The following GBP7 variants were observed in gnomAD, a reference collection of about 807,000 sequenced individuals.
GBP7 encodes guanylate binding protein 7, also known as guanylate-binding protein 7.
In GBP7, 43 loss-of-function variants were observed where a neutral mutation model predicts 61.3. The observed-to-expected ratio is 0.70, with a 90% CI of 0.55 to 0.91. GBP7 has a LOEUF of 0.91. GBP7 is among the 40% of genes least tolerant of loss of function. GBP7 has a pLI of 0.00. For missense variants in GBP7, 717 were observed against 740.5 expected (o/e 0.97, Z 0.37); for synonymous variants, 267 against 271.0 (o/e 0.99, Z 0.14).
rs757252155 is a variant in GBP7, at chr1:89,149,293, A to G, written c.1151T>C (p.Val384Ala). 2.6e-5 allele frequency: 41 copies of G among 1,599,192 alleles called. No homozygotes were observed. Among genetic ancestry groups the G allele is most frequent in the Non-Finnish European group, 3.3e-5 (39 of 1,171,254 alleles). The stretch of plus-strand genomic sequence containing the variant: ...AAAAAAAAAAATAACAAAGATTACC[A>G]CAAGCTTCTTCTGAAATTCCTGGCT... Reference protein sequence around the residue: ...DKSQEFQKKLVDTMEKKKEDF... With the variant: ...DKSQEFQKKLADTMEKKKEDF... The change falls in exon 7 of 11, where the codon GTG becomes GCG. Residue 384 changes from valine to alanine, a missense_variant and splice_region_variant. This residue lies in a region of GBP7 where 312 missense variants were observed against 310.1 expected (regional missense o/e 1.01). Coordinates refer to ENST00000294671, the MANE Select transcript of GBP7 (RefSeq NM_207398.3).
chr1:89,147,566 C>G lies in GBP7; in HGVS notation c.1365+1G>C. Reference sequence around the variant, plus strand: ...CATCCCCTTCTCCCCTTATTCCTCACCTTAACTCCTTTTCTGGGCACTAGT... The same window carrying G: ...CATCCCCTTCTCCCCTTATTCCTCAGCTTAACTCCTTTTCTGGGCACTAGT... On this transcript the variant is annotated splice_donor_variant, in intron 8 of 10. Coordinates refer to ENST00000294671, the MANE Select transcript of GBP7 (RefSeq NM_207398.3). LOFTEE classifies it high-confidence loss of function. 1 of 1,612,014 alleles carries G rather than the reference C, an allele frequency of 6.2e-7. No homozygotes were observed. Among genetic ancestry groups the G allele is most frequent in the Non-Finnish European group, 8.5e-7 (1 of 1,178,080 alleles).
intron 7 of GBP7, among the ~76,000 whole-genome samples, chr1:89,148,680 G>A (rs1334513327): frequency 4.6e-5 from 7 of 152,168 alleles, no homozygotes; most frequent in Non-Finnish European, 1.0e-4. Context: ...TGAGCATACA[G>A]GTAAGAAGTA....
At position 89,171,835 on chromosome 1, in the gene GBP7, A is replaced by G. The variant is rs781071125; in HGVS notation, c.101T>C (p.Ile34Thr). The G allele has an allele frequency of 1.9e-6, 3 of 1,613,830 alleles. No homozygotes were observed. The South Asian group carries it at 3.3e-5, about 18-fold the overall frequency. ...TGCCACCACTACTACAGGCTGTGTA[A>G]TGGCAGACAGGATTTCCAGAGCTTC... Reference protein sequence around the residue: ...NSEALEILSAITQPVVVVAIV... With the variant: ...NSEALEILSATTQPVVVVAIV... The change falls in exon 2 of 11, where the codon ATT becomes ACT. Residue 34 changes from isoleucine to threonine, a missense_variant. By Grantham distance (89) the Ile-to-Thr change is moderately conservative (BLOSUM62 -1). Coordinates refer to ENST00000294671, the MANE Select transcript of GBP7 (RefSeq NM_207398.3).
At chr1:89,165,914 A>G (rs986663911) in intron 2 of GBP7, among the ~76,000 whole-genome samples, 16 of 152,004 alleles carry the variant, frequency 1.1e-4, no homozygotes, top group South Asian at 2.1e-4. Context: ...CTTAAAGTAC[A>G]TATATAAAAA....
chr1:89,159,592 C>T (rs1422311766), intron 3 of GBP7, among the ~76,000 whole-genome samples: 1 of 152,124 alleles, frequency 6.6e-6, no homozygotes. Context: ...ATCTATGCAG[C>T]CAACAGACAC....
chr1:89,146,240 G>A (rs1051886962), intron 8 of GBP7, among the ~76,000 whole-genome samples: 2 of 152,144 alleles, frequency 1.3e-5, no homozygotes, highest in African/African-American at 4.8e-5. Context: ...GAATGGTGGT[G>A]GGAAAACTGG....
At position 89,152,385 on chromosome 1, in the gene GBP7, C is replaced by A. The variant is rs1257959131; in HGVS notation, c.508G>T (p.Val170Leu). 1 of 1,614,014 alleles carries A rather than the reference C, an allele frequency of 6.2e-7. No individual in the cohort carries two copies. The highest frequency in any genetic ancestry group is 8.5e-7 in the Non-Finnish European group (1 of 1,180,032). ...CAAATAAAGTCTGGAAAGAAACTCA[C>A]AAACTCGCTGGAGTCCTCAACTTCA... ...PDEVEDSSEFVSFFPDFIWTV... is the reference protein window; with the variant it reads ...PDEVEDSSEFLSFFPDFIWTV... Residue 170 changes from valine to leucine, a missense_variant, in exon 5 of 11, where the codon GTG becomes TTG. By Grantham distance (32) the Val-to-Leu change is conservative. Around this residue, in one of 3 missense-constraint regions of GBP7, gnomAD observed 387 missense variants for 385.2 expected, o/e 1.00. Transcript: ENST00000294671.
chr1:89,158,767 T>C (rs1373687571), intron 3 of GBP7, among the ~76,000 whole-genome samples: 3 of 152,070 alleles, frequency 2.0e-5, no homozygotes, highest in Non-Finnish European at 2.9e-5. Flanking sequence ...ATCAATATCG[T>C]GAAAATGGCC....
chr1:89,159,727 G>A (rs144535483), intron 3 of GBP7, among the ~76,000 whole-genome samples: 2,455 of 152,304 alleles, frequency 0.016, 56 homozygotes, highest in African/African-American at 0.055. Flanking sequence ...TGCTGGAGAG[G>A]ATGTGGAGAA....
intron 2 of GBP7, among the ~76,000 whole-genome samples, chr1:89,170,314 G>T (rs899117617): frequency 6.6e-6 from 1 of 152,062 alleles, no homozygotes; most frequent in East Asian, 1.9e-4. Flanking sequence ...TTTAAGCTTT[G>T]TACCTGTTAC....
intron 9 of GBP7, among the ~76,000 whole-genome samples, chr1:89,134,558 C>T (rs1441958742): frequency 1.3e-5 from 2 of 151,620 alleles, no homozygotes; most frequent in Non-Finnish European, 2.9e-5. Context: ...TTCAAGCCCC[C>T]AGCTCAGGAG....
intron 8 of GBP7, 29 bp from the exon 9 acceptor site, chr1:89,141,677 G>A: frequency 1.3e-6 from 2 of 1,557,924 alleles, no homozygotes; most frequent in Non-Finnish European, 1.8e-6. Context: ...GCAAAGACCT[G>A]TCAGGCAGCA....
chr1:89,144,004 C>T (rs1246883603), intron 8 of GBP7, among the ~76,000 whole-genome samples: 1 of 152,094 alleles, frequency 6.6e-6, no homozygotes, highest in African/African-American at 2.4e-5. Context: ...CCCCAAAGGT[C>T]GTTTTTCAAC....
chr1:89,150,389 T>C lies in GBP7; in HGVS notation c.812A>G (p.Tyr271Cys), dbSNP rs535919344. ...CTTGGTCTTTGCATGGGTGAAGATA[T>C]AAGAACAGAAATTTTCTGATTGCAT... ...FQMQSENFCSYIFTHAKTKTL... is the reference protein window; with the variant it reads ...FQMQSENFCSCIFTHAKTKTL... The change falls in exon 6 of 11, where the codon TAT (tyrosine) becomes TGT (cysteine). Residue 271 changes from tyrosine (Y) to cysteine (C), a missense_variant. Around this residue, in one of 3 missense-constraint regions of GBP7, gnomAD observed 387 missense variants for 385.2 expected, o/e 1.00. Transcript: ENST00000294671. The C allele has an allele frequency of 6.2e-6, 10 of 1,613,926 alleles. No homozygotes were observed. Among genetic ancestry groups the C allele is most frequent in the African/African-American group, 2.7e-5 (2 of 75,034 alleles).
At chr1:89,145,675 C>G (rs1197241381) in intron 8 of GBP7, among the ~76,000 whole-genome samples, 7 of 152,042 alleles carry the variant, frequency 4.6e-5, no homozygotes, top group Admixed American at 3.9e-4. Context: ...CATTTCTATG[C>G]ACTAAGAACA....
At chr1:89,157,325 G>A (rs1682339354) in intron 3 of GBP7, among the ~76,000 whole-genome samples, 1 of 152,106 alleles carries the variant, frequency 6.6e-6, no homozygotes, top group African/African-American at 2.4e-5. Context: ...ACATTCAAAA[G>A]CTAGCAGAAG....
At chr1:89,141,065 G>C (rs1039003684) in intron 9 of GBP7, among the ~76,000 whole-genome samples, 4 of 151,962 alleles carry the variant, frequency 2.6e-5, no homozygotes, top group Admixed American at 2.6e-4. Context: ...ATGGGAAGAG[G>C]GTAAAGATTG....
At chr1:89,147,528 A>G (rs1682096456) in intron 8 of GBP7, 39 bp downstream of exon 8, 2 of 1,516,240 alleles carry the variant, frequency 1.3e-6, no homozygotes, top group Admixed American at 1.7e-5. Flanking sequence ...CCCTCTGACT[A>G]TCCTCTGTCA....
chr1:89,162,075 A>G (rs1024544640), intron 3 of GBP7, among the ~76,000 whole-genome samples: 1 of 148,896 alleles, frequency 6.7e-6, no homozygotes, highest in Non-Finnish European at 1.5e-5. Context: ...CAAAGATCAG[A>G]TAGTTGTAGT....
Sources: gnomAD v4.1 joint callset for allele counts (sites outside exome capture counted in the v4.1 genomes callset) on GRCh38, gnomAD v4.1.1 for gene constraint, gnomAD v4.1.1 regional missense constraint, MANE v1.5 for transcripts, NCBI Gene and HGNC (gene_info 2026-07-23, HGNC 2026-07-21) for gene names.